Variants in ST6GALNAC3 observed in about 807,000 individuals in gnomAD.
ST6GALNAC3 encodes the protein alpha-N-acetylgalactosaminide alpha-2,6-sialyltransferase 3.
A neutral mutation model predicts 32.7 loss-of-function variants in ST6GALNAC3; 25 were observed. That is an observed-to-expected ratio of 0.76 (90% CI 0.56 to 1.07). The LOEUF is 1.07. Among genes scored for constraint, ST6GALNAC3 ranks in the 50% least tolerant of loss-of-function variants. The pLI is 0.00. For synonymous variants in ST6GALNAC3, 129 were observed against 133.1 expected (o/e 0.97, Z 0.21); for missense variants, 355 against 382.4 (o/e 0.93, Z 0.60).
At chr1:76,441,683 C>T (rs988290529) in intron 3 of ST6GALNAC3, among the ~76,000 whole-genome samples, 2 of 152,064 alleles carry the variant, frequency 1.3e-5, no homozygotes, top group Non-Finnish European at 2.9e-5. Context: ...ACTATAGTCA[C>T]CCTTTATTCT....
chr1:76,576,876 G>A (rs538472507), intron 3 of ST6GALNAC3: 147 of 1,304,546 alleles, frequency 1.1e-4, no homozygotes, highest in South Asian at 7.8e-4. Flanking sequence ...TTGATTGATC[G>A]AACAGCAACC....
In ST6GALNAC3 at chr1:76,482,748, T is replaced by C. The variant is rs562949410; in HGVS notation, c.623+70331T>C. 2.0e-5 allele frequency among the ~76,000 whole-genome samples: 3 copies of C among 152,260 alleles called. No homozygotes were observed. The South Asian group carries it at 6.2e-4, about 32-fold the overall frequency. On this transcript the variant is annotated intron_variant, in intron 3 of 4. Coordinates refer to ENST00000328299, the MANE Select transcript of ST6GALNAC3 (RefSeq NM_152996.4). ...TATTTTTATTATTATTATTATACTT[T>C]AAATTCTAGGGCACATGTGCACAAT... is the stretch of plus-strand genomic sequence containing the variant.
At chr1:76,470,648 G>GA (rs912762269) in intron 3 of ST6GALNAC3, among the ~76,000 whole-genome samples, 5 of 152,118 alleles carry the variant, frequency 3.3e-5, no homozygotes, top group Admixed American at 1.3e-4. Flanking sequence ...CAATAGGGGG[G>GA]AAAAATCCAG....
intron 2 of ST6GALNAC3, among the ~76,000 whole-genome samples, chr1:76,360,177 G>T (rs79959034): frequency 6.6e-6 from 1 of 152,062 alleles, no homozygotes; most frequent in African/African-American, 2.4e-5. Flanking sequence ...TAGCTCCCAG[G>T]AATAGAATGG....
intron 3 of ST6GALNAC3, among the ~76,000 whole-genome samples, chr1:76,595,432 T>A (rs1647119926): frequency 6.6e-6 from 1 of 152,128 alleles, no homozygotes; most frequent in South Asian, 2.1e-4. Flanking sequence ...CCTTCTGACC[T>A]TTCAGAAGGT....
intron 3 of ST6GALNAC3, among the ~76,000 whole-genome samples, chr1:76,523,290 T>TGC (rs1662666876): frequency 3.3e-5 from 5 of 152,298 alleles, no homozygotes; most frequent in Middle Eastern, 6.8e-3. Context: ...GTTATTCATT[T>TGC]TTTTTATAAT....
At position 76,593,751 on chromosome 1, in the gene ST6GALNAC3, A is replaced by G. The variant is rs116007237; in HGVS notation, c.624-33701A>G. 7.7e-3 allele frequency among the ~76,000 whole-genome samples: 1,169 copies of G among 152,274 alleles called. 19 individuals are homozygous for G. Among genetic ancestry groups the G allele is most frequent in the African/African-American group, 0.027 (1,118 of 41,556 alleles). ...CCTTGTGATACTTGTTGGAAAATCAAAGATAAATGGGACCCAGTCTCTGCT... is the reference window on the plus strand; with the variant it reads ...CCTTGTGATACTTGTTGGAAAATCAGAGATAAATGGGACCCAGTCTCTGCT... On this transcript the variant is annotated intron_variant, in intron 3 of 4. Transcript: ENST00000328299.
chr1:76,415,631 A>G (rs1654567734), intron 3 of ST6GALNAC3, among the ~76,000 whole-genome samples: 1 of 152,070 alleles, frequency 6.6e-6, no homozygotes, highest in Non-Finnish European at 1.5e-5. Context: ...TGCCCTTAGT[A>G]GTCTTTGATA....
chr1:76,469,815 G>T (rs1177820987), intron 3 of ST6GALNAC3, among the ~76,000 whole-genome samples: 4 of 152,058 alleles, frequency 2.6e-5, no homozygotes, highest in East Asian at 1.9e-4. Flanking sequence ...ATGGATATTT[G>T]ATCTTTTGTA....
At chr1:76,144,920 G>A (rs1650582070) in intron 1 of ST6GALNAC3, among the ~76,000 whole-genome samples, 1 of 152,184 alleles carries the variant, frequency 6.6e-6, no homozygotes, top group South Asian at 2.1e-4. Context: ...TCTGTTATGA[G>A]TTGAGTGGCC....
intron 2 of ST6GALNAC3, among the ~76,000 whole-genome samples, chr1:76,333,761 G>A (rs17672606): frequency 0.087 from 13,297 of 152,068 alleles, 752 homozygotes; most frequent in Middle Eastern, 0.22. Flanking sequence ...TGAATGTTGG[G>A]CCAGATGCAG....
chr1:76,471,867 CTTT>C (rs35150035), intron 3 of ST6GALNAC3, among the ~76,000 whole-genome samples: 1 of 143,960 alleles, frequency 6.9e-6, no homozygotes. Flanking sequence ...TTTGGGTCCC[CTTT>C]TTTTTTTTTA....
At chr1:76,176,377 A>T (rs147019121) in intron 1 of ST6GALNAC3, among the ~76,000 whole-genome samples, 52 of 152,114 alleles carry the variant, frequency 3.4e-4, no homozygotes, top group African/African-American at 1.3e-3. Flanking sequence ...CTGTTTTTTG[A>T]TGGAGTTTTG....
chr1:76,104,789 G>T (rs1647407386), intron 1 of ST6GALNAC3, among the ~76,000 whole-genome samples: 1 of 152,134 alleles, frequency 6.6e-6, no homozygotes, highest in African/African-American at 2.4e-5. Flanking sequence ...GTTCCACAGG[G>T]CTGGGGAGGC....
Position 76,505,441 on chromosome 1 carries a change from T to C in ST6GALNAC3, c.623+93024T>C, listed in dbSNP as rs371638618. On this transcript the variant is annotated intron_variant, in intron 3 of 4. Transcript: ENST00000328299. ...CTGGCCACCAAAACTATTTTTAAAATTTGGGTATATGTCAAATAGCATTTA... is the reference window on the plus strand; with the variant it reads ...CTGGCCACCAAAACTATTTTTAAAACTTGGGTATATGTCAAATAGCATTTA... Among the ~76,000 whole-genome samples, 5 of 152,282 alleles carry C rather than the reference T, an allele frequency of 3.3e-5. No individual in the cohort carries two copies. In the East Asian group the frequency reaches 9.7e-4, roughly 29 times the overall value.
At chr1:76,258,969 C>T (rs1239537640) in intron 1 of ST6GALNAC3, among the ~76,000 whole-genome samples, 1 of 152,176 alleles carries the variant, frequency 6.6e-6, no homozygotes, top group Admixed American at 6.5e-5. Context: ...CTCTTAAACG[C>T]TTTCAAATGT....
intron 3 of ST6GALNAC3, among the ~76,000 whole-genome samples, chr1:76,504,868 G>C (rs74089981): frequency 0.069 from 10,489 of 152,146 alleles, 1,217 homozygotes; most frequent in African/African-American, 0.24. Context: ...AGGATCACAT[G>C]CACTGTCATT....
intron 3 of ST6GALNAC3, among the ~76,000 whole-genome samples, chr1:76,590,306 A>C (rs1647027980): frequency 6.6e-6 from 1 of 152,258 alleles, no homozygotes; most frequent in Non-Finnish European, 1.5e-5. Flanking sequence ...AAATGGGATT[A>C]GAATTTTAGG....
intron 3 of ST6GALNAC3, among the ~76,000 whole-genome samples, chr1:76,464,786 A>C (rs541239452): frequency 1.5e-4 from 23 of 152,318 alleles, no homozygotes; most frequent in Non-Finnish European, 3.4e-4. Context: ...CTTTATAGAC[A>C]GAGAAGCTGG....
Sources: gnomAD v4.1 joint callset for allele counts (sites outside exome capture counted in the v4.1 genomes callset) on GRCh38, gnomAD v4.1.1 for gene constraint, MANE v1.5 for transcripts, NCBI Gene and HGNC (gene_info 2026-07-23, HGNC 2026-07-21) for gene names.